PPP2R3A: variants seen among roughly 807,000 people sequenced by gnomAD.
PPP2R3A encodes serine/threonine-protein phosphatase 2A regulatory subunit B'' subunit alpha.
A neutral mutation model predicts 106.9 loss-of-function variants in PPP2R3A; 80 were observed. The observed-to-expected ratio is 0.75, with a 90% CI of 0.62 to 0.90. PPP2R3A has a LOEUF of 0.90. Ranked by LOEUF, PPP2R3A falls within the 40% of genes least tolerant of loss-of-function variation. PPP2R3A has a pLI of 0.00. For synonymous variants in PPP2R3A, 483 were observed against 468.3 expected, an observed-to-expected ratio of 1.03 and a Z score of -0.41; for missense variants, 1,386 against 1,350.4, an observed-to-expected ratio of 1.03 and a Z score of -0.41.
intron 10 of PPP2R3A, among the ~76,000 whole-genome samples, chr3:136,097,585 T>G (rs1937246095): frequency 6.6e-6 from 1 of 152,236 alleles, no homozygotes; most frequent in South Asian, 2.1e-4. Context: ...ATTGTCTTAG[T>G]TCTTAATTGA....
intron 1 of PPP2R3A, among the ~76,000 whole-genome samples, chr3:135,974,707 G>A (rs190351208): frequency 1.3e-3 from 193 of 152,302 alleles, no homozygotes; most frequent in African/African-American, 4.5e-3. Context: ...GTAAAAGGGA[G>A]GGGTATCCTC....
intron 13 of PPP2R3A, among the ~76,000 whole-genome samples, chr3:136,132,738 G>T (rs1423703960): frequency 5.9e-5 from 9 of 151,848 alleles, no homozygotes; most frequent in Admixed American, 5.9e-4. Context: ...GACTTTTGGT[G>T]TAGAAATTAG....
At chr3:135,977,269 A>G (rs1278740721) in intron 1 of PPP2R3A, among the ~76,000 whole-genome samples, 1 of 152,168 alleles carries the variant, frequency 6.6e-6, no homozygotes, top group East Asian at 1.9e-4. Flanking sequence ...CACATTTTCT[A>G]ATTGATGTGA....
intron 2 of PPP2R3A, among the ~76,000 whole-genome samples, chr3:136,009,245 C>T (rs1186735414): frequency 6.6e-6 from 1 of 152,072 alleles, no homozygotes; most frequent in Non-Finnish European, 1.5e-5. Flanking sequence ...CTGGAGGGGG[C>T]AGTAAGGGTT....
chr3:136,127,477 GAAAC>G (rs753118617), intron 13 of PPP2R3A, among the ~76,000 whole-genome samples: 82 of 152,150 alleles, frequency 5.4e-4, no homozygotes, highest in Non-Finnish European at 9.6e-4. Flanking sequence ...AGAGTAAAAA[GAAAC>G]AAACAAAGCC....
chr3:136,055,792 GATATAA>G, intron 5 of PPP2R3A: 1 of 570,072 alleles, frequency 1.8e-6, no homozygotes, highest in Non-Finnish European at 3.2e-6. Flanking sequence ...TGCACATACT[GATATAA>G]ATAAATGATT....
At chr3:136,059,742 A>G (rs540251483) in intron 5 of PPP2R3A, among the ~76,000 whole-genome samples, 7 of 152,358 alleles carry the variant, frequency 4.6e-5, no homozygotes, top group East Asian at 1.9e-4. Flanking sequence ...ATGCCCATCA[A>G]TGATAGACCA....
intron 5 of PPP2R3A, chr3:136,055,796 T>C (rs1159744567): frequency 1.2e-5 from 7 of 563,984 alleles, no homozygotes; most frequent in African/African-American, 3.8e-5. Context: ...CATACTGATA[T>C]AAATAAATGA....
rs557564420 is a variant in PPP2R3A at position 135,974,164 on chromosome 3, A to T, written c.-441+8315A>T. Among the ~76,000 whole-genome samples the T allele has an allele frequency of 2.0e-3, 302 of 152,258 alleles. 2 individuals are homozygous for T. Among genetic ancestry groups the T allele is most frequent in the Middle Eastern group, 0.01 (3 of 294 alleles). ...TTCCCTCTCACCTTATTGGAGGTTT[A>T]GTCTTTTTGCTAGTTCCTCATGATC... On this transcript the variant is annotated intron_variant, in intron 1 of 13. Coordinates refer to ENST00000264977, the MANE Select transcript of PPP2R3A (RefSeq NM_002718.5).
intron 12 of PPP2R3A, among the ~76,000 whole-genome samples, chr3:136,105,530 GC>G (rs1299833075): frequency 6.6e-6 from 1 of 152,200 alleles, no homozygotes; most frequent in Non-Finnish European, 1.5e-5. Context: ...TAGGTGGAAT[GC>G]CTGTAGTCTC....
intron 9 of PPP2R3A, among the ~76,000 whole-genome samples, chr3:136,089,076 CTTTAG>C (rs1937029528): frequency 6.6e-6 from 1 of 152,014 alleles, no homozygotes; most frequent in Non-Finnish European, 1.5e-5. Flanking sequence ...TGCAAAAGCT[CTTTAG>C]TTTAATTAGG....
At chr3:135,986,115 A>G (rs964386316) in intron 1 of PPP2R3A, among the ~76,000 whole-genome samples, 1 of 152,160 alleles carries the variant, frequency 6.6e-6, no homozygotes, top group African/African-American at 2.4e-5. Context: ...GTCATCATCT[A>G]AAAGGGATAC....
At chr3:136,048,088 C>T (rs1476775350) in intron 4 of PPP2R3A, among the ~76,000 whole-genome samples, 3 of 151,804 alleles carry the variant, frequency 2.0e-5, no homozygotes, top group African/African-American at 7.3e-5. Flanking sequence ...ACATGTACCC[C>T]TGTACCTATA....
chr3:136,004,240 A>G (rs1297095908), intron 2 of PPP2R3A, among the ~76,000 whole-genome samples: 1 of 152,206 alleles, frequency 6.6e-6, no homozygotes, highest in Non-Finnish European at 1.5e-5. Context: ...TTGTCTTCCC[A>G]TTTTATTTAC....
chr3:136,035,394 C>CT (rs1212216670), intron 3 of PPP2R3A, among the ~76,000 whole-genome samples: 2 of 152,090 alleles, frequency 1.3e-5, no homozygotes, highest in Non-Finnish European at 2.9e-5. Context: ...TTTAGAGCTC[C>CT]TTTTATCAGT....
At chr3:136,119,300 A>T (rs961264153) in intron 13 of PPP2R3A, among the ~76,000 whole-genome samples, 37 of 152,242 alleles carry the variant, frequency 2.4e-4, no homozygotes, top group Non-Finnish European at 5.1e-4. Flanking sequence ...CATTCAAGAC[A>T]TAGGCATGGG....
At chr3:136,073,189 G>A (rs899435386) in intron 6 of PPP2R3A, among the ~76,000 whole-genome samples, 80 of 152,170 alleles carry the variant, frequency 5.3e-4, no homozygotes, top group African/African-American at 1.9e-3. Flanking sequence ...GGATGGTCTC[G>A]ATCTCCTGAC....
At chr3:135,989,595 C>T (rs1482030728) in intron 1 of PPP2R3A, among the ~76,000 whole-genome samples, 2 of 152,018 alleles carry the variant, frequency 1.3e-5, no homozygotes, top group African/African-American at 4.8e-5. Context: ...AAAAAATCTC[C>T]TGAGCTTCCA....
chr3:136,002,815 T>C lies in PPP2R3A; in HGVS notation c.1317T>C (p.His439=). 1 of 1,613,908 alleles carries C rather than the reference T, an allele frequency of 6.2e-7. No individual in the cohort carries two copies. The highest frequency in any genetic ancestry group is 8.5e-7 in the Non-Finnish European group (1 of 1,179,840). Residue 439 remains histidine, a synonymous_variant, in exon 2 of 14, where the codon CAT becomes CAC. Coordinates refer to ENST00000264977, the MANE Select transcript of PPP2R3A (RefSeq NM_002718.5). ...AAAAGACAGAGAATGGACCTAGTCA[T>C]GAGTTATTAAAGGTAAATGAACATA... ...KGQKTENGPS[H]ELLKVNEHRA...
Sources: gnomAD v4.1 joint callset for allele counts (sites outside exome capture counted in the v4.1 genomes callset) on GRCh38, gnomAD v4.1.1 for gene constraint, MANE v1.5 for transcripts, NCBI Gene and HGNC (gene_info 2026-07-23, HGNC 2026-07-21) for gene names.